PIGS: variants seen among roughly 807,000 people sequenced by gnomAD.
PIGS encodes the protein GPI-anchor transamidase component PIGS.
Under a neutral mutation model 58.2 loss-of-function variants are expected in PIGS, and 37 were observed. The observed-to-expected ratio is 0.64, with a 90% CI of 0.49 to 0.84. PIGS has a LOEUF of 0.84. Among genes scored for constraint, PIGS ranks in the 40% least tolerant of loss-of-function variants. The pLI is 0.00. For missense variants in PIGS, 629 were observed against 710.8 expected, an observed-to-expected ratio of 0.88 and a Z score of 1.31; for synonymous variants, 269 against 289.2, an observed-to-expected ratio of 0.93 and a Z score of 0.71.
At chr17:28,557,031 G>C in intron 8 of PIGS, 59 bp from the exon 9 acceptor site, 1 of 1,599,192 alleles carries the variant, frequency 6.3e-7, no homozygotes, top group South Asian at 1.1e-5. Flanking sequence ...CTTAGTCCCA[G>C]GTCGGCCTCT....
rs1236525840 is a variant in PIGS at position 28,555,061 on chromosome 17, C to T, written c.1182G>A (p.Arg394=). The T allele has an allele frequency of 1.2e-6, 2 of 1,611,386 alleles. No homozygotes were observed. Among genetic ancestry groups the T allele is most frequent in the Non-Finnish European group, 1.7e-6 (2 of 1,178,508 alleles). The change falls in exon 11 of 12, where the codon CGG becomes CGA. Residue 394 remains arginine (R), a splice_region_variant and synonymous_variant. Coordinates refer to ENST00000308360, the MANE Select transcript of PIGS (RefSeq NM_033198.4). The part of the protein sequence containing the change: ...RVMEVFLAQL[R]LLFGIAQPQL... The stretch of plus-strand genomic sequence containing the variant: ...GGGGCTGAGCAATCCCAAAGAGCAA[C>T]CTGTAGGAACATCGGAGTAAGATCA...
In PIGS at chr17:28,571,035, C is replaced by A. The variant is rs566625566; in HGVS notation, c.174+14G>T. The A allele has an allele frequency of 6.2e-7, 1 of 1,614,136 alleles. No homozygotes were observed. Among genetic ancestry groups the A allele is most frequent in the Non-Finnish European group, 8.5e-7 (1 of 1,180,022 alleles). ...GGGGGGCTGTCCCCCGACCCTCCCG[C>A]ACAGCAGTCTCACCTGAAGGGCATT... is the stretch of plus-strand genomic sequence containing the variant. On this transcript the variant is annotated intron_variant, in intron 2 of 11. Transcript: ENST00000308360.
At chr17:28,567,927 C>T (rs78899100) in intron 3 of PIGS, among the ~76,000 whole-genome samples, 126 of 152,302 alleles carry the variant, frequency 8.3e-4, no homozygotes, top group Middle Eastern at 3.4e-3. Context: ...CAGATATCTG[C>T]ACAGTCTATT....
intron 3 of PIGS, among the ~76,000 whole-genome samples, chr17:28,566,114 A>ACTTGGGAG (rs2070392369): frequency 1.3e-5 from 2 of 151,226 alleles, no homozygotes; most frequent in South Asian, 4.2e-4. Context: ...AGTCTCAGCT[A>ACTTGGGAG]CTTGGGAGCT....
rs2070316551 is a variant in PIGS at position 28,554,909 on chromosome 17, A to G, written c.1334T>C (p.Leu445Pro). The G allele has an allele frequency of 6.2e-7, 1 of 1,613,978 alleles. No individual in the cohort carries two copies. Among genetic ancestry groups the G allele is most frequent in the African/African-American group, 1.3e-5 (1 of 74,908 alleles). The stretch of plus-strand genomic sequence containing the variant: ...GCTGATCTTGCCCAGAAGCTGCGCC[A>G]GGGAGGTAAGGGTGGTGGTGGCTGT... ...LATATTTLTSLAQLLGKISNI... is the reference protein window; with the variant it reads ...LATATTTLTSPAQLLGKISNI... Residue 445 changes from leucine to proline, a missense_variant, in exon 11 of 12, where the codon CTG (leucine) becomes CCG (proline). Transcript: ENST00000308360.
At position 28,554,248 on chromosome 17, in the gene PIGS, G is replaced by A; in HGVS notation, c.1640C>T (p.Ser547Phe). The A allele has an allele frequency of 6.2e-7, 1 of 1,614,168 alleles. No homozygotes were observed. Among genetic ancestry groups the A allele is most frequent in the Non-Finnish European group, 8.5e-7 (1 of 1,180,002 alleles). ...GTCTGTCTTCTCAGGCTTTCTCCAGGACTTGCGGGTCTCCAGGAAGATCTT... is the reference window on the plus strand; with the variant it reads ...GTCTGTCTTCTCAGGCTTTCTCCAGAACTTGCGGGTCTCCAGGAAGATCTT... ...LVKIFLETRKSWRKPEKTD is the reference protein window; with the variant it reads ...LVKIFLETRKFWRKPEKTD Residue 547 changes from serine to phenylalanine, a missense_variant, in exon 12 of 12, where the codon TCC (serine) becomes TTC (phenylalanine). By Grantham distance (155) the Ser-to-Phe change is radical. Coordinates refer to ENST00000308360, the MANE Select transcript of PIGS (RefSeq NM_033198.4).
At chr17:28,555,470 C>T (rs1175381372) in intron 10 of PIGS, 1 of 200,562 alleles carries the variant, frequency 5.0e-6, no homozygotes, top group Non-Finnish European at 1.0e-5. Context: ...CTGTGCTTCT[C>T]TAAGCCTGCA....
chr17:28,561,735 G>A (rs1379777262), intron 5 of PIGS, 106 bp from the exon 6 acceptor site: 1 of 1,075,872 alleles, frequency 9.3e-7, no homozygotes, highest in East Asian at 2.6e-5. Flanking sequence ...ATGACCAACA[G>A]GTTTGCACCT....
At position 28,554,058 on chromosome 17, in the gene PIGS, G is replaced by T. The variant is rs1010757031; in HGVS notation, c.*162C>A. ...GGTGAATGGGAAAGGAAGAAAAGAT[G>T]AACCCATCTTGGAGTGTTGTACTTT... On this transcript the variant is annotated 3_prime_UTR_variant, in exon 12 of 12. Coordinates refer to ENST00000308360, the MANE Select transcript of PIGS (RefSeq NM_033198.4). The T allele has an allele frequency of 1.1e-6, 1 of 888,624 alleles. No homozygotes were observed. The highest frequency in any genetic ancestry group is 1.7e-5 in the African/African-American group (1 of 59,422). 55.0% of individuals were successfully genotyped at this position (888,624 alleles called of 1,614,324 possible).
rs2070343725 is a variant in PIGS at position 28,558,418 on chromosome 17, C to T, written c.934+58G>A. 12 of 1,396,602 alleles carry T rather than the reference C, an allele frequency of 8.6e-6. No homozygotes were observed. In the East Asian group the frequency reaches 2.1e-4, roughly 25 times the overall value. The allele number at this position is 1,396,602 out of a possible 1,614,324, so 86.5% of individuals were successfully genotyped here. A position where few individuals can be genotyped will look rare whatever the true frequency, so the allele number is the denominator to read the frequency against. On this transcript the variant is annotated intron_variant, in intron 8 of 11. Transcript: ENST00000308360. ...ACTCCTGTCCCCTACCCAGCTGAGC[C>T]GTCAGGGTCCCTCCCTAGCCTGGCA...
In PIGS at chr17:28,570,943, G is replaced by A. The variant is rs987282979; in HGVS notation, c.195C>T (p.Val65=). The stretch of plus-strand genomic sequence containing the variant: ...CTGACTCCCGCGTAAACACGACAGT[G>A]ACAGGCACCATGAGGCGGAGCTACA... ...NALQLRLMVP[V]TVVFTRESVP... The change falls in exon 3 of 12, where the codon GTC becomes GTT. Residue 65 remains valine (V), a synonymous_variant. Coordinates refer to ENST00000308360, the MANE Select transcript of PIGS (RefSeq NM_033198.4). 2 of 1,614,236 alleles carry A rather than the reference G, an allele frequency of 1.2e-6. No individual in the cohort carries two copies. The highest frequency in any genetic ancestry group is 1.3e-5 in the African/African-American group (1 of 75,056).
rs1250531276 is a variant in PIGS at position 28,570,985 on chromosome 17, C to CCGT, written c.175-25_175-23dup. 3 of 1,614,082 alleles carry CCGT rather than the reference C, an allele frequency of 1.9e-6. No homozygotes were observed. In the Admixed American group the frequency reaches 5.0e-5, roughly 27 times the overall value. On this transcript the variant is annotated intron_variant, in intron 2 of 11. Coordinates refer to ENST00000308360, the MANE Select transcript of PIGS (RefSeq NM_033198.4). Reference sequence around the variant, plus strand: ...GGAGCTACAGGAAGGAGCATCAGGGCCGTCACTGAGTCTCCACCTTGCCGG... The same window carrying CCGT: ...GGAGCTACAGGAAGGAGCATCAGGGCCGTCGTCACTGAGTCTCCACCTTGCCGG...
intron 3 of PIGS, among the ~76,000 whole-genome samples, chr17:28,566,271 C>CTTTTTTTT (rs57310687): frequency 2.8e-4 from 27 of 97,698 alleles, no homozygotes; most frequent in Admixed American, 4.1e-4. Context: ...TTTTTCTTTT[C>CTTTTTTTT]TTTTTTTTTT....
rs1467890535 is a variant in PIGS at position 28,556,980 on chromosome 17, A to G, written c.935-8T>C. The stretch of plus-strand genomic sequence containing the variant: ...AGGAGGCAGCACTGGATCCTGTGGT[A>G]TAAAGGGAAAGCAGAATATCAAAAC... On this transcript the variant is annotated splice_polypyrimidine_tract_variant and splice_region_variant and intron_variant, in intron 8 of 11. Transcript: ENST00000308360. 1.9e-6 allele frequency: 3 copies of G among 1,613,776 alleles called. No homozygotes were observed. The highest frequency in any genetic ancestry group is 2.5e-6 in the Non-Finnish European group (3 of 1,179,932).
chr17:28,568,032 A>T (rs1256522063), intron 3 of PIGS, among the ~76,000 whole-genome samples: 1 of 152,102 alleles, frequency 6.6e-6, no homozygotes, highest in Non-Finnish European at 1.5e-5. Flanking sequence ...CCATTCCTCA[A>T]GAAAATTCCC....
chr17:28,570,758 A>T, intron 3 of PIGS, 94 bp downstream of exon 3: 1 of 1,211,294 alleles, frequency 8.3e-7, no homozygotes, highest in Non-Finnish European at 1.2e-6. Flanking sequence ...GTAAGTTTTT[A>T]ACTGCGTTTA....
chr17:28,563,717 G>A lies in PIGS; in HGVS notation c.376+101C>T. On this transcript the variant is annotated intron_variant, in intron 4 of 11. Coordinates refer to ENST00000308360, the MANE Select transcript of PIGS (RefSeq NM_033198.4). ...GTTCCTCATTCCCAGCATTCCAAGAGAGGTTTTGGAAGTAAGCCAAAGCAT... is the reference window on the plus strand; with the variant it reads ...GTTCCTCATTCCCAGCATTCCAAGAAAGGTTTTGGAAGTAAGCCAAAGCAT... 3 of 1,334,312 alleles carry A rather than the reference G, an allele frequency of 2.2e-6. No homozygotes were observed. The South Asian group carries it at 3.7e-5, about 16-fold the overall frequency. 82.7% of individuals were successfully genotyped at this position (1,334,312 alleles called of 1,614,324 possible).
intron 4 of PIGS, 128 bp from the exon 5 acceptor site, chr17:28,563,650 A>G (rs1397569328): frequency 8.4e-7 from 1 of 1,195,254 alleles, no homozygotes; most frequent in Non-Finnish European, 1.2e-6. Flanking sequence ...GGGTAAGCCA[A>G]TCAACCTCTC....
intron 8 of PIGS, 46 bp downstream of exon 8, chr17:28,558,430 T>C: frequency 2.0e-6 from 3 of 1,494,024 alleles, no homozygotes; most frequent in South Asian, 1.2e-5. Flanking sequence ...TCAGGGTCCC[T>C]CCCTAGCCTG....
Sources: gnomAD v4.1 joint callset for allele counts (sites outside exome capture counted in the v4.1 genomes callset) on GRCh38, gnomAD v4.1.1 for gene constraint, MANE v1.5 for transcripts, NCBI Gene and HGNC (gene_info 2026-07-23, HGNC 2026-07-21) for gene names.